Variants in PTPA observed in about 807,000 individuals in gnomAD.
The protein encoded by PTPA is serine/threonine-protein phosphatase 2A activator.
Under a neutral mutation model 43.6 loss-of-function variants are expected in PTPA, and 13 were observed. That is an observed-to-expected ratio of 0.30 (90% CI 0.19 to 0.47). PTPA has a LOEUF of 0.47. PTPA is among the 20% of genes least tolerant of loss of function. The pLI is 0.99. For missense variants in PTPA, 329 were observed against 411.9 expected (o/e 0.80, Z 1.74); for synonymous variants, 172 against 158.2 (o/e 1.09, Z -0.66).
At chr9:129,112,658 C>T (rs971005296) in intron 1 of PTPA, among the ~76,000 whole-genome samples, 9 of 152,144 alleles carry the variant, frequency 5.9e-5, no homozygotes, top group Non-Finnish European at 8.8e-5. Flanking sequence ...CAAGGATGTC[C>T]AGGCCAGGCG....
At chr9:129,134,733 A>T (rs1850238818) in intron 5 of PTPA, 62 bp from the exon 6 acceptor site, 16 of 1,368,054 alleles carry the variant, frequency 1.2e-5, no homozygotes, top group Non-Finnish European at 1.6e-5. Flanking sequence ...ATTCTGGGAG[A>T]CTAAAACAAT....
chr9:129,124,974 G>T (rs987066634), intron 3 of PTPA, among the ~76,000 whole-genome samples: 12 of 152,212 alleles, frequency 7.9e-5, no homozygotes, highest in African/African-American at 2.9e-4. Flanking sequence ...TGTGCTTCTG[G>T]TAGACAGCCT....
At chr9:129,142,096 C>T (rs1850898120) in intron 8 of PTPA, 3 of 216,840 alleles carry the variant, frequency 1.4e-5, no homozygotes, top group South Asian at 1.5e-4. Flanking sequence ...GAGATCTTAT[C>T]TTCCTGAGGC....
chr9:129,133,777 C>T (rs1045429403), intron 5 of PTPA, among the ~76,000 whole-genome samples: 2 of 152,220 alleles, frequency 1.3e-5, no homozygotes, highest in Non-Finnish European at 2.9e-5. Flanking sequence ...GACCTGTAGC[C>T]TCCTGTCATT....
intron 8 of PTPA, chr9:129,138,211 G>A (rs17508902): frequency 0.015 from 2,706 of 182,498 alleles, 82 homozygotes; most frequent in African/African-American, 0.059. Flanking sequence ...GCGCAGGCCT[G>A]GCCTGTGGTG....
chr9:129,110,977 A>C (rs3118625), upstream of PTPA: 390,499 of 1,368,864 alleles, frequency 0.29, 57,270 homozygotes, highest in Admixed American at 0.33. This position sits in a 1 kb window ranked among gnomAD's most constrained non-coding sequence, Gnocchi z 5.3. Flanking sequence ...AGGAAGGAGG[A>C]GGTCACCGTC....
At chr9:129,138,725 C>T (rs1391057564) in intron 8 of PTPA, among the ~76,000 whole-genome samples, 2 of 152,220 alleles carry the variant, frequency 1.3e-5, no homozygotes, top group Admixed American at 1.3e-4. Flanking sequence ...GTGGAGAAAG[C>T]TGGGTTATAA....
chr9:129,120,424 CAAG>C (rs1564185386), intron 1 of PTPA, 86 bp from the exon 2 acceptor site: 2,823 of 653,688 alleles, frequency 4.3e-3, no homozygotes, highest in East Asian at 5.8e-3. Context: ...AACTCCGTCT[CAAG>C]AAAAAAAAAA....
intron 3 of PTPA, among the ~76,000 whole-genome samples, chr9:129,128,442 A>G (rs1280900491): frequency 6.6e-6 from 1 of 151,766 alleles, no homozygotes; most frequent in Non-Finnish European, 1.5e-5. Flanking sequence ...AGGCTGAGGC[A>G]GGAGAATCGC....
chr9:129,118,270 T>G (rs1420982651), intron 1 of PTPA, among the ~76,000 whole-genome samples: 4 of 152,042 alleles, frequency 2.6e-5, no homozygotes, highest in Non-Finnish European at 5.9e-5. Flanking sequence ...GCCAGGCTGG[T>G]TTCGAACTCC....
intron 1 of PTPA, chr9:129,111,924 C>T: frequency 1.7e-6 from 1 of 573,026 alleles, no homozygotes; most frequent in Non-Finnish European, 2.5e-6. Context: ...ATAAGGGGGC[C>T]TTTTGCATCT....
At chr9:129,121,278 G>T (rs770392550) in intron 2 of PTPA, among the ~76,000 whole-genome samples, 4 of 152,200 alleles carry the variant, frequency 2.6e-5, no homozygotes, top group Non-Finnish European at 4.4e-5. Flanking sequence ...CATGCAGAAG[G>T]CTGGGCACAG....
At chr9:129,123,001 G>A (rs1224429500) in intron 2 of PTPA, 51 bp from the exon 3 acceptor site, 8 of 1,427,848 alleles carry the variant, frequency 5.6e-6, no homozygotes, top group South Asian at 2.4e-5. Context: ...AGGTGGGGCG[G>A]GGGGGTCTGC....
rs771011884 is a variant in PTPA at position 129,136,457 on chromosome 9, GTCC to G, written c.561-9_561-7del. Reference sequence around the variant, plus strand: ...ACTTTTTGCTACCTTCCCTTTCCCTGTCCTCCTGTGCAGGTACCTTGAGGTTAT... The same window carrying G: ...ACTTTTTGCTACCTTCCCTTTCCCTGTCCTGTGCAGGTACCTTGAGGTTAT... On this transcript the variant is annotated splice_polypyrimidine_tract_variant and intron_variant, in intron 6 of 9. Transcript: ENST00000393370. 1.9e-6 allele frequency: 3 copies of G among 1,604,388 alleles called. No homozygotes were observed. The highest frequency in any genetic ancestry group is 2.6e-6 in the Non-Finnish European group (3 of 1,174,816).
intron 9 of PTPA, chr9:129,143,719 A>C: frequency 2.8e-6 from 1 of 356,834 alleles, no homozygotes. Context: ...CAGCCCACAT[A>C]CCTCTCTAAT....
At chr9:129,111,047 C>T (rs751562958), upstream of PTPA, 5 of 1,369,100 alleles carry the variant, frequency 3.7e-6, no homozygotes, top group Admixed American at 7.6e-5. Flanking sequence ...TGGTGTGCAC[C>T]TTTCCAACTC....
In PTPA at chr9:129,136,675, C is replaced by T. The variant is rs1003357198; in HGVS notation, c.685+80C>T. 7 of 1,438,192 alleles carry T rather than the reference C, an allele frequency of 4.9e-6. No homozygotes were observed. The African/African-American group carries it at 7.1e-5, about 15-fold the overall frequency. The allele number at this position is 1,438,192 out of a possible 1,614,324, so 89.1% of individuals were successfully genotyped here. A position where few individuals can be genotyped will look rare whatever the true frequency, so the allele number is the denominator to read the frequency against. ...GGCCCTCCCCTGCCCCTCCTGCGCT[C>T]CCTCCTTCCCTTCTTCCTGCCCAGG... On this transcript the variant is annotated intron_variant, in intron 7 of 9. Transcript: ENST00000393370.
At chr9:129,138,429 C>G (rs957345412) in intron 8 of PTPA, among the ~76,000 whole-genome samples, 2 of 152,220 alleles carry the variant, frequency 1.3e-5, no homozygotes, top group African/African-American at 4.8e-5. Context: ...TCTAAACACA[C>G]GTGCCAGGCG....
In PTPA at chr9:129,148,365, G is replaced by A. The variant is rs913275; in HGVS notation, c.*901G>A. On this transcript the variant is annotated 3_prime_UTR_variant, in exon 10 of 10. Transcript: ENST00000393370. ...GATTCCTCTTGGCAGTCTTAGGCCC[G>A]GCCACTTCTGCTACCTTTGCGCTGC... 90,309 of 152,752 alleles carry A rather than the reference G, an allele frequency of 0.59. 28,767 individuals are homozygous for A. The highest frequency in any genetic ancestry group is 0.7 in the Non-Finnish European group (48,029 of 68,408). 9.5% of individuals were successfully genotyped at this position (152,752 alleles called of 1,614,324 possible).
Sources: allele counts gnomAD v4.1 joint callset (sites outside exome capture counted in the v4.1 genomes callset), GRCh38; gene constraint gnomAD v4.1.1; non-coding constraint Gnocchi (gnomAD v3.1); transcripts MANE v1.5; gene names NCBI Gene and HGNC (gene_info 2026-07-23, HGNC 2026-07-21).